FGF13: variants seen among roughly 807,000 people sequenced by gnomAD.
The protein encoded by FGF13 is fibroblast growth factor 13.
Under a neutral mutation model 19.5 loss-of-function variants are expected in FGF13, and 2 were observed. The ratio of observed to expected loss-of-function variants is 0.10; its 90% CI spans 0.04 to 0.32. FGF13 has a LOEUF of 0.32. FGF13 is among the 10% of genes least tolerant of loss of function. The pLI is 1.00. For synonymous variants in FGF13, 72 were observed against 76.9 expected, an observed-to-expected ratio of 0.94 and a Z score of 0.33; for missense variants, 113 against 192.7, an observed-to-expected ratio of 0.59 and a Z score of 2.45.
At chrX:138,914,285 T>A (rs779580778) in intron 1 of FGF13, among the ~76,000 whole-genome samples, 2 of 107,446 alleles carry the variant, frequency 1.9e-5, no homozygotes, top group Non-Finnish European at 1.9e-5. Context: ...TGCCATTGCC[T>A]TTCACACAAA....
intron 3 of FGF13, among the ~76,000 whole-genome samples, chrX:138,794,199 C>T (rs990147573): frequency 1.8e-5 from 2 of 111,773 alleles, no homozygotes; most frequent in East Asian, 5.6e-4. Flanking sequence ...TCAGATCTTA[C>T]GATAAAATTG....
intron 1 of FGF13, among the ~76,000 whole-genome samples, chrX:139,065,434 G>C (rs2092351707): frequency 9.7e-6 from 1 of 103,046 alleles, no homozygotes; most frequent in Non-Finnish European, 2.0e-5. Flanking sequence ...GACACACATA[G>C]GCTCAAAATA....
At chrX:138,927,687 T>G (rs141792138) in intron 1 of FGF13, among the ~76,000 whole-genome samples, 4,184 of 111,907 alleles carry the variant, frequency 0.037, 99 homozygotes, top group Non-Finnish European at 0.061. Context: ...TGATATGTGC[T>G]GAACACCATT....
chrX:138,765,050 G>T (rs777486735), intron 3 of FGF13, among the ~76,000 whole-genome samples: 3 of 111,915 alleles, frequency 2.7e-5, no homozygotes, highest in Non-Finnish European at 3.8e-5. Flanking sequence ...GAGTTGGAGG[G>T]ATCTTGCTTT....
At chrX:138,964,782 C>A (rs1473261977) in intron 1 of FGF13, among the ~76,000 whole-genome samples, 1 of 110,685 alleles carries the variant, frequency 9.0e-6, no homozygotes, top group East Asian at 2.9e-4. Context: ...TTTCAACAAC[C>A]AGCTCTTGCA....
intron 1 of FGF13, among the ~76,000 whole-genome samples, chrX:138,984,442 A>G (rs960732193): frequency 2.0e-5 from 2 of 101,473 alleles, no homozygotes; most frequent in African/African-American, 7.2e-5. Context: ...AAGAAGAAGA[A>G]TAAGGAGGAG....
At chrX:138,774,769 A>C (rs762926337) in intron 3 of FGF13, among the ~76,000 whole-genome samples, 10 of 111,907 alleles carry the variant, frequency 8.9e-5, no homozygotes, top group Non-Finnish European at 1.9e-4. Context: ...CTGACCTATC[A>C]TATACCCAGA....
chrX:138,683,359 T>C (rs1016599250), intron 3 of FGF13, among the ~76,000 whole-genome samples: 1 of 110,154 alleles, frequency 9.1e-6, no homozygotes, highest in Admixed American at 9.8e-5. Context: ...CATCAGTGCT[T>C]GGATGGAAGC....
At chrX:139,119,992 A>C (rs2083666282) in intron 1 of FGF13, among the ~76,000 whole-genome samples, 1 of 111,873 alleles carries the variant, frequency 8.9e-6, no homozygotes, top group African/African-American at 3.2e-5. Flanking sequence ...AGATGATCGG[A>C]TCATGGGGGC....
At chrX:138,889,665 C>G (rs1334597887) in intron 1 of FGF13, among the ~76,000 whole-genome samples, 1 of 111,577 alleles carries the variant, frequency 9.0e-6, no homozygotes, top group African/African-American at 3.3e-5. Context: ...TAACTCTAAG[C>G]AGCAGGCATG....
intron 1 of FGF13, among the ~76,000 whole-genome samples, chrX:139,173,332 G>A (rs2084149261): frequency 9.1e-6 from 1 of 110,216 alleles, no homozygotes; most frequent in East Asian, 2.8e-4. Context: ...AAAACAACCT[G>A]CCTCACCTGT....
chrX:139,175,998 A>C (rs1026566903), intron 1 of FGF13, among the ~76,000 whole-genome samples: 1 of 111,528 alleles, frequency 9.0e-6, no homozygotes, highest in Admixed American at 9.5e-5. Flanking sequence ...CTTTGTACCA[A>C]TGGTAGAATT....
chrX:138,662,855 C>A (rs2089502575), intron 3 of FGF13, among the ~76,000 whole-genome samples: 1 of 111,873 alleles, frequency 8.9e-6, no homozygotes, highest in Admixed American at 9.5e-5. Context: ...CTACTGGGTA[C>A]TGTCACCATC....
chrX:138,652,900 T>G lies in FGF13; in HGVS notation c.403-17245A>C, dbSNP rs147575404. Among the ~76,000 whole-genome samples, 4 of 112,179 alleles carry G rather than the reference T, an allele frequency of 3.6e-5. No homozygotes were observed. In the Admixed American group the frequency reaches 3.8e-4, roughly 11 times the overall value. The stretch of plus-strand genomic sequence containing the variant: ...GACTTATCCTAGTAATATGTGAAAG[T>G]GAAATCTTCTCAACATATCAGAAAT... On this transcript the variant is annotated intron_variant, in intron 3 of 4. Transcript: ENST00000315930.
At chrX:139,000,331 G>C (rs2092066604) in intron 1 of FGF13, among the ~76,000 whole-genome samples, 1 of 111,801 alleles carries the variant, frequency 8.9e-6, no homozygotes, top group African/African-American at 3.3e-5. Context: ...GTAAGTTCTG[G>C]TCAGAGCAAT....
intron 1 of FGF13, among the ~76,000 whole-genome samples, chrX:139,131,731 T>C (rs2083763665): frequency 9.0e-6 from 1 of 111,358 alleles, no homozygotes; most frequent in Admixed American, 9.6e-5. Flanking sequence ...AGCATGACCC[T>C]GTCTCAAAAA....
At chrX:138,882,817 A>T (rs2091434044) in intron 1 of FGF13, among the ~76,000 whole-genome samples, 1 of 111,682 alleles carries the variant, frequency 9.0e-6, no homozygotes, top group Non-Finnish European at 1.9e-5. Context: ...AGGGTTAAAG[A>T]GGAATCCCTG....
In FGF13 at chrX:139,201,124, C is replaced by T. The variant is rs182767082; in HGVS notation, c.-113+2292G>A. Among the ~76,000 whole-genome samples, 479 of 112,053 alleles carry T rather than the reference C, an allele frequency of 4.3e-3. 2 individuals carry two copies. The highest frequency in any genetic ancestry group is 0.014 in the African/African-American group (446 of 30,801). ...CAAACAGAATCAAGGTCCCCGCCCC[C>T]TTTCCAAACAGAACAGCCTATCTTG... On this transcript the variant is annotated intron_variant, in intron 1 of 2. Transcript: ENST00000421460.
intron 3 of FGF13, among the ~76,000 whole-genome samples, chrX:138,785,504 A>G (rs1328302277): frequency 9.0e-6 from 1 of 111,281 alleles, no homozygotes; most frequent in Non-Finnish European, 1.9e-5. Flanking sequence ...ACTGTTATCA[A>G]AGTTATCAAC....
Sources: gnomAD v4.1 joint callset for allele counts (sites outside exome capture counted in the v4.1 genomes callset) on GRCh38, gnomAD v4.1.1 for gene constraint, MANE v1.5 for transcripts, NCBI Gene and HGNC (gene_info 2026-07-23, HGNC 2026-07-21) for gene names.